The following SCD5 variants were observed in gnomAD, a reference collection of about 807,000 sequenced individuals.
SCD5 encodes acyl-CoA-desaturase 4.
SCD5 carries 20 observed loss-of-function variants against 30.4 expected under a neutral mutation model. The ratio of observed to expected loss-of-function variants is 0.66; its 90% CI spans 0.46 to 0.96. SCD5 has a LOEUF of 0.96. Ranked by LOEUF, SCD5 falls within the 40% of genes least tolerant of loss-of-function variation. The pLI is 0.00. For synonymous variants in SCD5, 173 were observed against 176.4 expected (o/e 0.98, Z 0.16); for missense variants, 381 against 443.3 (o/e 0.86, Z 1.26).
chr4:82,726,352 G>A (rs1018727964), intron 1 of SCD5, among the ~76,000 whole-genome samples: 1 of 151,102 alleles, frequency 6.6e-6, no homozygotes, highest in Non-Finnish European at 1.5e-5. Context: ...GGGAGATGGA[G>A]GTTGTGGTGA....
chr4:82,721,904 T>C (rs952489066), intron 1 of SCD5, among the ~76,000 whole-genome samples: 5 of 152,172 alleles, frequency 3.3e-5, no homozygotes, highest in Non-Finnish European at 5.9e-5. Context: ...AAGGGGAAAA[T>C]AGAATCTTAC....
intron 3 of SCD5, among the ~76,000 whole-genome samples, chr4:82,654,007 TC>T (rs1320340516): frequency 1.3e-5 from 2 of 151,912 alleles, no homozygotes; most frequent in Non-Finnish European, 2.9e-5. Context: ...AGCTTCTGTC[TC>T]CCAGGTTCAA....
chr4:82,734,891 G>A (rs370842499), intron 1 of SCD5, among the ~76,000 whole-genome samples: 19 of 151,466 alleles, frequency 1.3e-4, no homozygotes, highest in Admixed American at 3.3e-4. Context: ...CAGCCTCCCA[G>A]AGTGCTGGGA....
chr4:82,650,614 G>T (rs1053141683), intron 3 of SCD5, among the ~76,000 whole-genome samples: 8 of 152,026 alleles, frequency 5.3e-5, no homozygotes, highest in African/African-American at 1.9e-4. Flanking sequence ...GAGATCACCC[G>T]AGCCTGGGGA....
At chr4:82,704,445 A>G (rs1350148653) in intron 2 of SCD5, among the ~76,000 whole-genome samples, 1 of 152,214 alleles carries the variant, frequency 6.6e-6, no homozygotes, top group African/African-American at 2.4e-5. Context: ...GAAAACAGAG[A>G]TCCATGACCA....
intron 1 of SCD5, among the ~76,000 whole-genome samples, chr4:82,748,265 C>G (rs1721035391): frequency 6.6e-6 from 1 of 152,066 alleles, no homozygotes; most frequent in African/African-American, 2.4e-5. Context: ...GAGGGAAACA[C>G]TTGCCCCTGG....
At chr4:82,695,612 C>T (rs753265576) in intron 2 of SCD5, among the ~76,000 whole-genome samples, 3 of 152,062 alleles carry the variant, frequency 2.0e-5, no homozygotes, top group Non-Finnish European at 1.5e-5. Context: ...GCTGAGTTTG[C>T]GAAGCCTAAG....
At chr4:82,705,795 A>G (rs1393388635) in intron 1 of SCD5, among the ~76,000 whole-genome samples, 2 of 152,242 alleles carry the variant, frequency 1.3e-5, no homozygotes, top group South Asian at 2.1e-4. Flanking sequence ...ATTGGCACAC[A>G]TGACAGGGTG....
At chr4:82,724,466 A>T (rs1720431242) in intron 1 of SCD5, among the ~76,000 whole-genome samples, 1 of 152,188 alleles carries the variant, frequency 6.6e-6, no homozygotes, top group African/African-American at 2.4e-5. Context: ...AAAAATAAAT[A>T]AATAAAACAG....
chr4:82,735,897 T>C (rs1720740606), intron 1 of SCD5, among the ~76,000 whole-genome samples: 1 of 152,264 alleles, frequency 6.6e-6, no homozygotes, highest in African/African-American at 2.4e-5. Flanking sequence ...ATCGTTTCAC[T>C]TAAAGTCACA....
intron 2 of SCD5, among the ~76,000 whole-genome samples, chr4:82,702,660 A>G (rs1034418140): frequency 1.3e-5 from 2 of 152,192 alleles, no homozygotes; most frequent in African/African-American, 4.8e-5. Flanking sequence ...TGACTTGTCC[A>G]TTTTGGCCAA....
At chr4:82,786,298 T>C (rs1252033051) in intron 1 of SCD5, among the ~76,000 whole-genome samples, 1 of 152,028 alleles carries the variant, frequency 6.6e-6, no homozygotes, top group Non-Finnish European at 1.5e-5. Context: ...GCCTTTCCAA[T>C]TTAGGTCATA....
chr4:82,634,461 G>A (rs938087072), intron 4 of SCD5, among the ~76,000 whole-genome samples: 2 of 150,500 alleles, frequency 1.3e-5, no homozygotes, highest in Non-Finnish European at 3.0e-5. Flanking sequence ...TTAAATTTAT[G>A]CCATCCCTAC....
intron 1 of SCD5, among the ~76,000 whole-genome samples, chr4:82,793,700 T>C (rs537945719): frequency 6.6e-6 from 1 of 152,292 alleles, no homozygotes; most frequent in South Asian, 2.1e-4. Context: ...ACACATATCA[T>C]CTAATTTGAT....
Position 82,746,912 on chromosome 4 carries a change from TG to T in SCD5, c.233-41500del, listed in dbSNP as rs1560551473. ...TGGCCTACCACACCCCCAATCCTGTTGCCATATAAACCCGAGACCTTAAGTG... is the reference window on the plus strand; with the variant it reads ...TGGCCTACCACACCCCCAATCCTGTTCCATATAAACCCGAGACCTTAAGTG... On this transcript the variant is annotated intron_variant, in intron 1 of 4. Coordinates refer to ENST00000319540, the MANE Select transcript of SCD5 (RefSeq NM_001037582.3). Among the ~76,000 whole-genome samples, 7 of 151,142 alleles carry T rather than the reference TG, an allele frequency of 4.6e-5. No homozygotes were observed. In the South Asian group the frequency reaches 1.5e-3, roughly 32 times the overall value.
chr4:82,715,555 A>G (rs976809973), intron 1 of SCD5, among the ~76,000 whole-genome samples: 2 of 151,724 alleles, frequency 1.3e-5, no homozygotes, highest in African/African-American at 4.9e-5. Flanking sequence ...AGGGTGTCCC[A>G]AACACCATTC....
At chr4:82,779,130 G>A (rs1030520744) in intron 1 of SCD5, among the ~76,000 whole-genome samples, 2 of 151,668 alleles carry the variant, frequency 1.3e-5, no homozygotes, top group African/African-American at 4.8e-5. Context: ...CTCCCAAAGC[G>A]CTGGGATTAC....
chr4:82,762,215 G>A (rs1193232774), intron 1 of SCD5, among the ~76,000 whole-genome samples: 2 of 132,972 alleles, frequency 1.5e-5, no homozygotes, highest in African/African-American at 5.6e-5. Context: ...AGGGGGAGAG[G>A]AGGGGAGGGG....
intron 1 of SCD5, among the ~76,000 whole-genome samples, chr4:82,790,109 G>C (rs1355486012): frequency 6.6e-6 from 1 of 152,136 alleles, no homozygotes; most frequent in Non-Finnish European, 1.5e-5. Flanking sequence ...TAAAGAGTCA[G>C]GGACACTGGC....
Sources: gnomAD v4.1 joint callset for allele counts (sites outside exome capture counted in the v4.1 genomes callset) on GRCh38, gnomAD v4.1.1 for gene constraint, MANE v1.5 for transcripts, NCBI Gene and HGNC (gene_info 2026-07-23, HGNC 2026-07-21) for gene names.